Variants in CCDC18 observed in about 807,000 individuals in gnomAD.
CCDC18 encodes the protein coiled-coil domain-containing protein 18.
Under a neutral mutation model 196.0 loss-of-function variants are expected in CCDC18, and 157 were observed. The observed-to-expected ratio is 0.80, with a 90% CI of 0.70 to 0.91. The LOEUF (loss-of-function observed/expected upper bound fraction) is 0.91, where lower values mean the gene tolerates loss of function less well. Ranked by LOEUF, CCDC18 falls within the 40% of genes least tolerant of loss-of-function variation. CCDC18 has a pLI of 0.00. For synonymous variants in CCDC18, 482 were observed against 529.2 expected (o/e 0.91, Z 1.22); for missense variants, 1,465 against 1,611.6 (o/e 0.91, Z 1.56).
intron 13 of CCDC18, among the ~76,000 whole-genome samples, 189 bp downstream of exon 13, chr1:93,216,935 CTTT>C (rs397980840): frequency 6.0e-5 from 8 of 132,758 alleles, no homozygotes; most frequent in African/African-American, 1.8e-4. Flanking sequence ...CAAGTTTTCT[CTTT>C]TTTTTTTTTT....
At chr1:93,197,116 G>A (rs1056793143) in intron 6 of CCDC18, among the ~76,000 whole-genome samples, 2 of 152,058 alleles carry the variant, frequency 1.3e-5, no homozygotes, top group Non-Finnish European at 1.5e-5. Context: ...GTGTGGTCAG[G>A]AAAAGGAGGA....
chr1:93,274,855 TAA>T (rs1665543959), intron 28 of CCDC18, among the ~76,000 whole-genome samples: 1 of 152,206 alleles, frequency 6.6e-6, no homozygotes, highest in South Asian at 2.1e-4. Flanking sequence ...AGCCTATTGT[TAA>T]ACTTAAAGAT....
chr1:93,220,177 A>G (rs1657172649), intron 14 of CCDC18, among the ~76,000 whole-genome samples: 1 of 152,234 alleles, frequency 6.6e-6, no homozygotes. Context: ...AACAAATGTT[A>G]AAATTACTGC....
Position 93,184,081 on chromosome 1 carries a change from C to T in CCDC18, c.238C>T (p.Pro80Ser). The T allele has an allele frequency of 1.3e-6, 2 of 1,577,244 alleles. No homozygotes were observed. Among genetic ancestry groups the T allele is most frequent in the South Asian group, 1.2e-5 (1 of 84,540 alleles). Residue 80 changes from proline (P) to serine (S), a missense_variant, in exon 3 of 29, where the codon CCT becomes TCT. Transcript: ENST00000690025. ...PSHPGLLNYS[P>S]YENVCKISGS... ...CCACCCTGGACTTTTGAATTATTCA[C>T]CTTATGAAAACGTCTGTAAAATATC...
At chr1:93,211,948 G>T (rs1570373279) in intron 10 of CCDC18, among the ~76,000 whole-genome samples, 153 bp from the exon 11 acceptor site, 1 of 152,290 alleles carries the variant, frequency 6.6e-6, no homozygotes, top group East Asian at 1.9e-4. Flanking sequence ...TAATTCTACA[G>T]TGGTATATGG....
rs141941805 is a variant in CCDC18, at chr1:93,201,486, T to C, written c.699-406T>C. 5.2e-3 allele frequency among the ~76,000 whole-genome samples: 785 copies of C among 152,228 alleles called. 4 individuals carry two copies. The highest frequency in any genetic ancestry group is 8.6e-3 in the Non-Finnish European group (586 of 67,996). The stretch of plus-strand genomic sequence containing the variant: ...TAACTATTTGAAATTTATTTGACCT[T>C]TGCAAAGGTCACAGAATTTACTGAG... On this transcript the variant is annotated intron_variant, in intron 6 of 28. Coordinates refer to ENST00000690025, the MANE Select transcript of CCDC18 (RefSeq NM_001378204.1).
chr1:93,262,749 C>T (rs1296622183), intron 26 of CCDC18, among the ~76,000 whole-genome samples: 1 of 152,170 alleles, frequency 6.6e-6, no homozygotes, highest in Non-Finnish European at 1.5e-5. Context: ...CCTCTTCTTA[C>T]AGCTCCACTA....
intron 17 of CCDC18, 75 bp downstream of exon 17, chr1:93,226,524 A>AATATAT (rs35929850): frequency 2.9e-5 from 11 of 382,986 alleles, no homozygotes; most frequent in Middle Eastern, 8.4e-4. Flanking sequence ...TGTAGGACAA[A>AATATAT]ATATATATAT....
intron 27 of CCDC18, among the ~76,000 whole-genome samples, chr1:93,266,716 C>T (rs1475037791): frequency 1.3e-5 from 2 of 152,136 alleles, no homozygotes; most frequent in Non-Finnish European, 2.9e-5. Flanking sequence ...AAGTCCTCGA[C>T]ACATACACCC....
chr1:93,254,353 C>A, intron 23 of CCDC18, 118 bp from the exon 24 acceptor site: 1 of 694,916 alleles, frequency 1.4e-6, no homozygotes, highest in Non-Finnish European at 2.4e-6. Flanking sequence ...ATTGCCTTAA[C>A]CTATTTATAT....
At chr1:93,258,710 C>T (rs369196220) in intron 25 of CCDC18, 38 bp from the exon 26 acceptor site, 3 of 1,469,012 alleles carry the variant, frequency 2.0e-6, no homozygotes, top group South Asian at 3.0e-5. Context: ...ACCAAATAAA[C>T]AAGTTTTATA....
chr1:93,205,332 C>A (rs1404334168), intron 7 of CCDC18, among the ~76,000 whole-genome samples, 178 bp from the exon 8 acceptor site: 1 of 152,064 alleles, frequency 6.6e-6, no homozygotes, highest in South Asian at 2.1e-4. Flanking sequence ...TTTCTCTGTC[C>A]TTTGCTACTG....
At chr1:93,186,251 A>G in intron 3 of CCDC18, 94 bp from the exon 4 acceptor site, 1 of 1,192,698 alleles carries the variant, frequency 8.4e-7, no homozygotes, top group Non-Finnish European at 1.2e-6. Flanking sequence ...CTGCTTCGTC[A>G]TTTTGTTAAT....
Position 93,254,516 on chromosome 1 carries a change from C to T in CCDC18, c.3244C>T (p.Arg1082Ter), listed in dbSNP as rs1162736223. Reference sequence around the variant, plus strand: ...ATTACAAAATGCTAAAGAACAGCTTCGAGAAAAAGAGTTTATAATGCTACA... The same window carrying T: ...ATTACAAAATGCTAAAGAACAGCTTTGAGAAAAAGAGTTTATAATGCTACA... Reference protein sequence around the residue: ...DKLQNAKEQLREKEFIMLQNE... With the variant: ...DKLQNAKEQL The change falls in exon 24 of 29, where the codon CGA (arginine) becomes TGA (stop). Residue 1082 changes from arginine (R) to a stop codon, truncating the protein, a stop_gained. Coordinates refer to ENST00000690025, the MANE Select transcript of CCDC18 (RefSeq NM_001378204.1). LOFTEE classifies it high-confidence loss of function. The T allele has an allele frequency of 5.0e-6, 8 of 1,600,704 alleles. No individual in the cohort carries two copies. The highest frequency in any genetic ancestry group is 1.7e-5 in the Admixed American group (1 of 58,050).
intron 21 of CCDC18, among the ~76,000 whole-genome samples, chr1:93,241,744 A>T (rs1397955875): frequency 2.6e-5 from 4 of 151,594 alleles, no homozygotes; most frequent in Non-Finnish European, 5.9e-5. Context: ...AAAAAAAAAA[A>T]AATAGATCAT....
chr1:93,198,631 A>G (rs563329871), intron 6 of CCDC18, among the ~76,000 whole-genome samples: 26 of 152,302 alleles, frequency 1.7e-4, no homozygotes, highest in Non-Finnish European at 3.4e-4. Flanking sequence ...GAAAAAATCT[A>G]CAGAAGATAT....
In CCDC18 at chr1:93,258,846, A is replaced by G. The variant is rs964188522; in HGVS notation, c.3645A>G (p.Ser1215=). Residue 1215 remains serine (S), a synonymous_variant, in exon 26 of 29, where the codon TCA becomes TCG. Transcript: ENST00000690025. ...TGCAAGCAGAAATCAAGAAATTGTC[A>G]GCAGAAGTAGAATCTCTCAAAGAAG... ...ARMQAEIKKL[S]AEVESLKEAY... 1.9e-6 allele frequency: 3 copies of G among 1,603,422 alleles called. No individual in the cohort carries two copies. Among genetic ancestry groups the G allele is most frequent in the Non-Finnish European group, 2.6e-6 (3 of 1,175,452 alleles).
chr1:93,186,488 A>T lies in CCDC18; in HGVS notation c.447A>T (p.Thr149=). 6.2e-7 allele frequency: 1 copy of T among 1,606,610 alleles called. No individual in the cohort carries two copies. Among genetic ancestry groups the T allele is most frequent in the Non-Finnish European group, 8.5e-7 (1 of 1,176,464 alleles). The change falls in exon 4 of 29, where the codon ACA becomes ACT. Residue 149 remains threonine (T), a synonymous_variant. Transcript: ENST00000690025. ...TTGAATCTATTCACTTTGAATTAAC[A>T]CAGTCAAGAGCAAAAGTATGTATCT... ...TKFESIHFEL[T]QSRAKVSMLE...
chr1:93,237,860 G>A (rs1019505933), intron 19 of CCDC18, among the ~76,000 whole-genome samples: 3 of 152,020 alleles, frequency 2.0e-5, no homozygotes, highest in Non-Finnish European at 2.9e-5. Flanking sequence ...ACATACCTCA[G>A]CCACTTACTC....
Sources: gnomAD v4.1 joint callset for allele counts (sites outside exome capture counted in the v4.1 genomes callset) on GRCh38, gnomAD v4.1.1 for gene constraint, MANE v1.5 for transcripts, NCBI Gene and HGNC (gene_info 2026-07-23, HGNC 2026-07-21) for gene names.